The following RGS7BP variants were observed in gnomAD, a reference collection of about 807,000 sequenced individuals.
The protein encoded by RGS7BP is regulator of G protein signaling 7 binding protein.
A neutral mutation model predicts 31.3 loss-of-function variants in RGS7BP; 9 were observed. That is an observed-to-expected ratio of 0.29 (90% CI 0.17 to 0.50). RGS7BP has a LOEUF of 0.50. RGS7BP is among the 20% of genes least tolerant of loss of function. The pLI is 0.98. For synonymous variants in RGS7BP, 115 were observed against 120.1 expected (o/e 0.96, Z 0.28); for missense variants, 274 against 322.0 (o/e 0.85, Z 1.14).
intron 5 of RGS7BP, among the ~76,000 whole-genome samples, chr5:64,605,899 A>G (rs954526452): frequency 6.8e-6 from 1 of 147,956 alleles, no homozygotes; most frequent in Admixed American, 6.8e-5. Context: ...TATGCTATAT[A>G]TATGTATATC....
chr5:64,547,910 C>T (rs558753872), intron 2 of RGS7BP, among the ~76,000 whole-genome samples: 1 of 152,010 alleles, frequency 6.6e-6, no homozygotes, highest in Non-Finnish European at 1.5e-5. Flanking sequence ...TGCTAATAGG[C>T]CTTTTGGGGA....
chr5:64,580,543 C>T (rs1487310055), intron 3 of RGS7BP, among the ~76,000 whole-genome samples: 1 of 151,698 alleles, frequency 6.6e-6, no homozygotes, highest in African/African-American at 2.4e-5. Flanking sequence ...AAATTAGTCT[C>T]CTTCCCCCCA....
Position 64,543,914 on chromosome 5 carries a change from A to G in RGS7BP, c.333-31860A>G, listed in dbSNP as rs376608933. On this transcript the variant is annotated intron_variant, in intron 2 of 5. Coordinates refer to ENST00000334025, the MANE Select transcript of RGS7BP (RefSeq NM_001029875.3). ...GAGGTCTAGTTTCTGTGGCCAAAAT[A>G]AAATCCCTGGCATCTCTATACAACA... Among the ~76,000 whole-genome samples the G allele has an allele frequency of 2.6e-5, 4 of 152,364 alleles. No homozygotes were observed. In the East Asian group the frequency reaches 5.8e-4, roughly 22 times the overall value.
chr5:64,594,676 C>T, intron 3 of RGS7BP, 34 bp from the exon 4 acceptor site: 1 of 1,610,666 alleles, frequency 6.2e-7, no homozygotes, highest in Non-Finnish European at 8.5e-7. Context: ...ATTTCTTTTT[C>T]CTCTTCTCTT....
chr5:64,590,306 T>C (rs1001432924), intron 3 of RGS7BP, among the ~76,000 whole-genome samples: 1 of 151,848 alleles, frequency 6.6e-6, no homozygotes, highest in Admixed American at 6.6e-5. Context: ...ATTCCACAGA[T>C]CTCCTCTGAA....
intron 2 of RGS7BP, among the ~76,000 whole-genome samples, chr5:64,548,186 A>G (rs1459366132): frequency 6.6e-6 from 1 of 152,166 alleles, no homozygotes; most frequent in African/African-American, 2.4e-5. Flanking sequence ...ATATCATCAA[A>G]TAATTTATTC....
At chr5:64,553,050 A>G (rs1270515474) in intron 2 of RGS7BP, among the ~76,000 whole-genome samples, 1 of 152,056 alleles carries the variant, frequency 6.6e-6, no homozygotes. Flanking sequence ...GTCAGTCCTT[A>G]TTAATGAACC....
At chr5:64,550,909 C>T (rs1428114264) in intron 2 of RGS7BP, among the ~76,000 whole-genome samples, 2 of 151,784 alleles carry the variant, frequency 1.3e-5, no homozygotes, top group Non-Finnish European at 2.9e-5. Flanking sequence ...AGGACATGAA[C>T]TCATCATTTT....
chr5:64,605,689 C>G (rs1169547620), intron 5 of RGS7BP, among the ~76,000 whole-genome samples: 1 of 152,038 alleles, frequency 6.6e-6, no homozygotes, highest in African/African-American at 2.4e-5. Flanking sequence ...CAGACAAGCT[C>G]TAAGCAAGGC....
At chr5:64,559,544 CT>C (rs1204579914) in intron 2 of RGS7BP, among the ~76,000 whole-genome samples, 5 of 152,128 alleles carry the variant, frequency 3.3e-5, no homozygotes, top group Non-Finnish European at 4.4e-5. Context: ...GTAAATATCT[CT>C]GCTGGCATGT....
At chr5:64,539,691 G>T (rs1372837056) in intron 2 of RGS7BP, 1 of 152,142 alleles carries the variant, frequency 6.6e-6, no homozygotes, top group African/African-American at 2.4e-5. Context: ...AACAGCCTAG[G>T]TTGTAAATGG....
intron 2 of RGS7BP, among the ~76,000 whole-genome samples, chr5:64,531,737 T>C (rs191418805): frequency 6.6e-6 from 1 of 152,240 alleles, no homozygotes; most frequent in African/African-American, 2.4e-5. Flanking sequence ...AAATCTTGTT[T>C]GTGCACATGT....
chr5:64,557,611 G>A lies in RGS7BP; in HGVS notation c.333-18163G>A, dbSNP rs79372971. Among the ~76,000 whole-genome samples the A allele has an allele frequency of 7.1e-3, 1,083 of 152,284 alleles. 10 individuals carry two copies. The highest frequency in any genetic ancestry group is 0.024 in the African/African-American group (997 of 41,568). ...TATGGATCTCTGGAATTTTAGTGAT[G>A]TGAGCAGGAACATGACTTTGTGTAT... On this transcript the variant is annotated intron_variant, in intron 2 of 5. Transcript: ENST00000334025.
At chr5:64,515,687 C>T (rs1255348172) in intron 2 of RGS7BP, among the ~76,000 whole-genome samples, 1 of 149,746 alleles carries the variant, frequency 6.7e-6, no homozygotes, top group African/African-American at 2.5e-5. Flanking sequence ...TCATGAAAAA[C>T]ATTTAATTAC....
intron 5 of RGS7BP, among the ~76,000 whole-genome samples, chr5:64,603,127 G>A (rs1443424369): frequency 1.3e-5 from 2 of 152,156 alleles, no homozygotes; most frequent in Admixed American, 1.3e-4. Flanking sequence ...CCACTGGAAG[G>A]AGTCCATAAG....
chr5:64,521,634 A>G (rs917814608), intron 2 of RGS7BP, among the ~76,000 whole-genome samples: 1 of 152,102 alleles, frequency 6.6e-6, no homozygotes, highest in Non-Finnish European at 1.5e-5. Flanking sequence ...CTATTTTTCC[A>G]TTACCATGAA....
intron 2 of RGS7BP, among the ~76,000 whole-genome samples, chr5:64,554,312 C>T (rs1403416636): frequency 6.6e-6 from 1 of 152,198 alleles, no homozygotes; most frequent in Admixed American, 6.5e-5. Flanking sequence ...CCAGGAACCT[C>T]TTCCTCCTCT....
rs115937844 is a variant in RGS7BP, at chr5:64,556,603, T to C, written c.333-19171T>C. On this transcript the variant is annotated intron_variant, in intron 2 of 5. Transcript: ENST00000334025. ...ACTTTTTATCTAAAAATGACTTTAA[T>C]GTCGCCATAATACTGTTTTCTCATC... Among the ~76,000 whole-genome samples the C allele has an allele frequency of 3.0e-3, 453 of 152,262 alleles. 6 individuals are homozygous for C. Among genetic ancestry groups the C allele is most frequent in the African/African-American group, 0.011 (441 of 41,556 alleles).
intron 5 of RGS7BP, among the ~76,000 whole-genome samples, chr5:64,599,027 A>G (rs1743152064): frequency 6.6e-6 from 1 of 152,212 alleles, no homozygotes. Context: ...ATGGGAGTAT[A>G]TGCCCTAATG....
Sources: allele counts gnomAD v4.1 joint callset (sites outside exome capture counted in the v4.1 genomes callset), GRCh38; gene constraint gnomAD v4.1.1; transcripts MANE v1.5; gene names NCBI Gene and HGNC (gene_info 2026-07-23, HGNC 2026-07-21).